The following GRM8 variants were observed in gnomAD, a reference collection of about 807,000 sequenced individuals.
The protein encoded by GRM8 is glutamate metabotropic receptor 8, also known as metabotropic glutamate receptor 8.
GRM8 carries 47 observed loss-of-function variants against 87.2 expected under a neutral mutation model. The observed-to-expected ratio is 0.54, with a 90% CI of 0.43 to 0.69. The LOEUF is 0.69. Among genes scored for constraint, GRM8 ranks in the 30% least tolerant of loss-of-function variants. The pLI is 0.00. For missense variants in GRM8, 1,019 were observed against 1,139.2 expected (o/e 0.89, Z 1.52); for synonymous variants, 396 against 404.5 (o/e 0.98, Z 0.25).
chr7:126,858,027 C>T (rs561080843), intron 6 of GRM8, among the ~76,000 whole-genome samples: 5 of 152,236 alleles, frequency 3.3e-5, no homozygotes, highest in African/African-American at 1.2e-4. Context: ...CCACTCTCCA[C>T]GCACTAAAAT....
chr7:126,888,149 G>A (rs1330902240), intron 6 of GRM8, among the ~76,000 whole-genome samples: 8 of 152,048 alleles, frequency 5.3e-5, no homozygotes, highest in Admixed American at 5.2e-4. Context: ...AAGTGGCTCT[G>A]ACAAATGACA....
At chr7:127,051,440 T>A (rs1007377195) in intron 3 of GRM8, among the ~76,000 whole-genome samples, 3 of 152,214 alleles carry the variant, frequency 2.0e-5, no homozygotes, top group East Asian at 3.9e-4. Context: ...GTTAAGTGGA[T>A]AAGGCTGCCA....
At chr7:126,590,958 C>A (rs1418361021) in intron 8 of GRM8, among the ~76,000 whole-genome samples, 1 of 151,822 alleles carries the variant, frequency 6.6e-6, no homozygotes, top group East Asian at 1.9e-4. Flanking sequence ...AAAACAACAA[C>A]ACCATAAATT....
chr7:127,226,085 C>G (rs1797302380), intron 2 of GRM8, among the ~76,000 whole-genome samples: 2 of 152,114 alleles, frequency 1.3e-5, no homozygotes, highest in South Asian at 4.1e-4. Context: ...TTAATATAAT[C>G]AGTAGTGGCA....
At chr7:126,614,008 C>T (rs868663145) in intron 7 of GRM8, among the ~76,000 whole-genome samples, 4 of 152,340 alleles carry the variant, frequency 2.6e-5, no homozygotes, top group Middle Eastern at 6.8e-3. Flanking sequence ...ATGTCCCTGT[C>T]TGACAGCTTT....
At chr7:126,600,469 C>T (rs532348076) in intron 8 of GRM8, among the ~76,000 whole-genome samples, 18 of 152,248 alleles carry the variant, frequency 1.2e-4, no homozygotes, top group African/African-American at 3.1e-4. Flanking sequence ...ATAGGGATGA[C>T]TGTATATCTT....
At chr7:126,802,681 C>T (rs1438752270) in intron 6 of GRM8, among the ~76,000 whole-genome samples, 1 of 152,166 alleles carries the variant, frequency 6.6e-6, no homozygotes, top group Admixed American at 6.5e-5. Flanking sequence ...TTCCAGAATA[C>T]TCCATCAGAA....
intron 8 of GRM8, among the ~76,000 whole-genome samples, chr7:126,541,287 C>T (rs1303201307): frequency 6.6e-6 from 1 of 152,174 alleles, no homozygotes; most frequent in African/African-American, 2.4e-5. Context: ...AGGAGCTCAA[C>T]AGCACATCAG....
chr7:126,785,291 C>T (rs1362579441), intron 6 of GRM8, among the ~76,000 whole-genome samples: 3 of 152,126 alleles, frequency 2.0e-5, no homozygotes, highest in Non-Finnish European at 2.9e-5. Flanking sequence ...CACCCTCTTT[C>T]GGTCAAGCTC....
intron 2 of GRM8, among the ~76,000 whole-genome samples, chr7:127,195,029 C>T (rs976073964): frequency 8.5e-5 from 13 of 152,048 alleles, no homozygotes; most frequent in African/African-American, 3.1e-4. Flanking sequence ...AAATAGTGAT[C>T]TTATTATAGA....
chr7:126,915,858 T>G (rs1224955937), intron 3 of GRM8, among the ~76,000 whole-genome samples: 1 of 152,122 alleles, frequency 6.6e-6, no homozygotes, highest in African/African-American at 2.4e-5. Flanking sequence ...AAGTGCAGGA[T>G]GAGGAACAAT....
intron 6 of GRM8, among the ~76,000 whole-genome samples, chr7:126,820,301 T>G (rs1015271236): frequency 3.3e-5 from 5 of 152,206 alleles, no homozygotes; most frequent in Non-Finnish European, 7.3e-5. Flanking sequence ...TAGTTACAGA[T>G]GATATACAAA....
intron 3 of GRM8, among the ~76,000 whole-genome samples, chr7:127,008,121 C>A (rs972371309): frequency 1.3e-5 from 2 of 151,894 alleles, no homozygotes; most frequent in Non-Finnish European, 2.9e-5. Flanking sequence ...CAGTCTCTAC[C>A]AGTTGCTCCA....
chr7:126,765,889 T>C (rs1202792109), intron 7 of GRM8, among the ~76,000 whole-genome samples: 1 of 152,114 alleles, frequency 6.6e-6, no homozygotes, highest in Admixed American at 6.6e-5. Flanking sequence ...AGAAGATGGT[T>C]CAGGTACCTT....
chr7:126,690,984 G>A (rs542657604), intron 7 of GRM8, among the ~76,000 whole-genome samples: 4 of 152,308 alleles, frequency 2.6e-5, no homozygotes, highest in Admixed American at 2.0e-4. Flanking sequence ...GAAAAAGCAC[G>A]GCAAGTTCTC....
In GRM8 at chr7:126,600,909, T is replaced by C. The variant is rs1229614682; in HGVS notation, c.1494+8453A>G. On this transcript the variant is annotated intron_variant, in intron 8 of 10. Transcript: ENST00000339582. ...AGAACAAAGTATTTTCATAATCAAG[T>C]ACAAAGTTAAGAACTAGAGTGGCAT... Among the ~76,000 whole-genome samples, 4 of 150,388 alleles carry C rather than the reference T, an allele frequency of 2.7e-5. No individual in the cohort carries two copies. In the East Asian group the frequency reaches 7.9e-4, roughly 30 times the overall value.
intron 2 of GRM8, among the ~76,000 whole-genome samples, chr7:127,176,858 G>A (rs1275134610): frequency 2.0e-5 from 3 of 152,180 alleles, no homozygotes; most frequent in Non-Finnish European, 4.4e-5. Context: ...TTGGGAGCTT[G>A]CTGTGTACCC....
chr7:126,761,648 T>TCAAAGC (rs1817598629), intron 7 of GRM8, among the ~76,000 whole-genome samples: 1 of 152,140 alleles, frequency 6.6e-6, no homozygotes, highest in Non-Finnish European at 1.5e-5. Context: ...TGTGTCAAAT[T>TCAAAGC]CAAAGCCAAA....
At chr7:126,843,271 A>C (rs1378532082) in intron 6 of GRM8, among the ~76,000 whole-genome samples, 1 of 152,208 alleles carries the variant, frequency 6.6e-6, no homozygotes, top group Non-Finnish European at 1.5e-5. Flanking sequence ...AAGCTCAATA[A>C]GGACTAAATC....
Sources: gnomAD v4.1 joint callset for allele counts (sites outside exome capture counted in the v4.1 genomes callset) on GRCh38, gnomAD v4.1.1 for gene constraint, MANE v1.5 for transcripts, NCBI Gene and HGNC (gene_info 2026-07-23, HGNC 2026-07-21) for gene names.